The following CLTCL1 variants were observed in gnomAD, a reference collection of about 807,000 sequenced individuals.
The protein encoded by CLTCL1 is clathrin heavy chain like 1.
CLTCL1 carries 159 observed loss-of-function variants against 190.0 expected under a neutral mutation model. That is an observed-to-expected ratio of 0.84 (90% CI 0.74 to 0.95). CLTCL1 has a LOEUF of 0.95. Ranked by LOEUF, CLTCL1 falls within the 40% of genes least tolerant of loss-of-function variation. The pLI, the probability that CLTCL1 is intolerant of heterozygous loss-of-function variation, is 0.00. For synonymous variants in CLTCL1, 752 were observed against 769.6 expected, an observed-to-expected ratio of 0.98 and a Z score of 0.38; for missense variants, 1,878 against 2,033.4, an observed-to-expected ratio of 0.92 and a Z score of 1.47.
chr22:19,206,289 C>T (rs1286447225), intron 22 of CLTCL1, among the ~76,000 whole-genome samples: 1 of 152,104 alleles, frequency 6.6e-6, no homozygotes, highest in Non-Finnish European at 1.5e-5. Flanking sequence ...TGCAGTGCCC[C>T]GATCACAGCT....
At chr22:19,237,258 C>T (rs552038712) in intron 5 of CLTCL1, among the ~76,000 whole-genome samples, 20 of 152,030 alleles carry the variant, frequency 1.3e-4, no homozygotes, top group Admixed American at 1.2e-3. Context: ...GAAGATCGCT[C>T]GAGGCCAGGA....
chr22:19,224,131 C>T (rs529135593), intron 13 of CLTCL1, 77 bp from the exon 14 acceptor site: 50 of 1,479,856 alleles, frequency 3.4e-5, no homozygotes, highest in Admixed American at 7.3e-5. Context: ...CACCTTCCCT[C>T]GATGACCCTG....
In CLTCL1 at chr22:19,224,162, C is replaced by G. The variant is rs1432285834; in HGVS notation, c.2129-108G>C. On this transcript the variant is annotated intron_variant, in intron 13 of 32. Transcript: ENST00000427926. ...CCCTGCTCCACTCTCCAGGGACCCA[C>G]AGCACACTCAGAACTCATAATCAAT... 7 of 1,079,752 alleles carry G rather than the reference C, an allele frequency of 6.5e-6. No individual in the cohort carries two copies. In the African/African-American group the frequency reaches 1.1e-4, roughly 17 times the overall value. The allele number at this position is 1,079,752 out of a possible 1,614,324, so 66.9% of individuals were successfully genotyped here. A position where few individuals can be genotyped will look rare whatever the true frequency, so the allele number is the denominator to read the frequency against.
Position 19,249,782 on chromosome 22 carries a change from A to C in CLTCL1, c.519+4177T>G, listed in dbSNP as rs549370054. 4.3e-4 allele frequency: 99 copies of C among 230,290 alleles called. 1 individual carries two copies. In the South Asian group the frequency reaches 4.7e-3, roughly 11 times the overall value. The allele number at this position is 230,290 out of a possible 1,614,324, so 14.3% of individuals were successfully genotyped here. Reference sequence around the variant, plus strand: ...GTATGGCTAGGTTTTGATAATTTTTATTTGGTTTCCCTTCCCTTTAATCAG... The same window carrying C: ...GTATGGCTAGGTTTTGATAATTTTTCTTTGGTTTCCCTTCCCTTTAATCAG... On this transcript the variant is annotated intron_variant, in intron 3 of 32. Transcript: ENST00000427926.
At chr22:19,211,869 A>ATG (rs1555947005) in intron 19 of CLTCL1, among the ~76,000 whole-genome samples, 1 of 152,100 alleles carries the variant, frequency 6.6e-6, no homozygotes, top group East Asian at 1.9e-4. Flanking sequence ...AATCCAATAA[A>ATG]TGAGTTTAGC....
Position 19,179,867 on chromosome 22 carries a change from C to A in CLTCL1, c.*123G>T. ...ACTCTGCAGGTAGGGTGGGTGGTGA[C>A]AACGCCCACTACACGCGGAAGTTGT... On this transcript the variant is annotated 3_prime_UTR_variant, in exon 33 of 33. Coordinates refer to ENST00000427926, the MANE Select transcript of CLTCL1 (RefSeq NM_007098.4). 1 of 368,846 alleles carries A rather than the reference C, an allele frequency of 2.7e-6. No individual in the cohort carries two copies. The highest frequency in any genetic ancestry group is 5.0e-6 in the Non-Finnish European group (1 of 200,132). The allele number at this position is 368,846 out of a possible 1,614,324, so 22.8% of individuals were successfully genotyped here.
At chr22:19,260,018 G>A (rs553771252) in intron 2 of CLTCL1, among the ~76,000 whole-genome samples, 1 of 152,330 alleles carries the variant, frequency 6.6e-6, no homozygotes, top group South Asian at 2.1e-4. Context: ...TATGGACAAA[G>A]TTGTAGTGGC....
intron 1 of CLTCL1, among the ~76,000 whole-genome samples, chr22:19,286,799 C>A (rs1370594488): frequency 6.6e-6 from 1 of 152,194 alleles, no homozygotes; most frequent in African/African-American, 2.4e-5. Flanking sequence ...CCACTCAGAG[C>A]TTTGGATTTA....
chr22:19,283,278 C>A (rs1223863229), intron 1 of CLTCL1, among the ~76,000 whole-genome samples: 2 of 150,936 alleles, frequency 1.3e-5, no homozygotes, highest in African/African-American at 4.9e-5. Context: ...AAAAAATTTT[C>A]TTTCTTTTTT....
intron 2 of CLTCL1, among the ~76,000 whole-genome samples, chr22:19,268,421 G>T (rs1455042979): frequency 6.6e-6 from 1 of 152,138 alleles, no homozygotes; most frequent in African/African-American, 2.4e-5. Flanking sequence ...ACAAGGTACA[G>T]ACTGGGAGAA....
chr22:19,180,226 T>C lies in CLTCL1; in HGVS notation c.4916A>G (p.His1639Arg), dbSNP rs1555925179. Residue 1639 changes from histidine (H) to arginine (R), a missense_variant, in exon 32 of 33, where the codon CAT becomes CGT. His to Arg is a conservative substitution (Grantham distance 29). Coordinates refer to ENST00000427926, the MANE Select transcript of CLTCL1 (RefSeq NM_007098.4). ...AGTGCAATCAGCTGGGTCTCATTCA[T>C]GCCCATCAAAATCTAAAAAAACCAG... ...PAPLVFDFDG[H>R]E 6.2e-7 allele frequency: 1 copy of C among 1,613,814 alleles called. No homozygotes were observed. The highest frequency in any genetic ancestry group is 1.7e-5 in the Admixed American group (1 of 60,016).
At chr22:19,257,350 CTT>C (rs1231531859) in intron 2 of CLTCL1, among the ~76,000 whole-genome samples, 1 of 152,138 alleles carries the variant, frequency 6.6e-6, no homozygotes, top group African/African-American at 2.4e-5. Flanking sequence ...AAAGAATACT[CTT>C]TTCAACAAAT....
chr22:19,276,032 A>G lies in CLTCL1; in HGVS notation c.43-202T>C, dbSNP rs542777033. Among the ~76,000 whole-genome samples, 216 of 139,628 alleles carry G rather than the reference A, an allele frequency of 1.5e-3. 4 individuals are homozygous for G. Among genetic ancestry groups the G allele is most frequent in the Admixed American group, 0.015 (201 of 13,762 alleles). The allele number at this position is 139,628 out of a possible 152,430, so 91.6% of individuals were successfully genotyped here. ...AATCAACTCTCCTTGAGAGATTACC[A>G]GCCCACAGTGGAGATAAGACATGTG... On this transcript the variant is annotated intron_variant, in intron 1 of 32. Transcript: ENST00000427926.
At chr22:19,240,429 G>A (rs929460398) in intron 4 of CLTCL1, among the ~76,000 whole-genome samples, 12 of 151,994 alleles carry the variant, frequency 7.9e-5, no homozygotes, top group Non-Finnish European at 1.0e-4. Context: ...GGGTTTGGCC[G>A]GGCAGAGAGA....
intron 26 of CLTCL1, among the ~76,000 whole-genome samples, chr22:19,193,923 G>A (rs2084605065): frequency 2.6e-5 from 4 of 152,204 alleles, no homozygotes; most frequent in Admixed American, 1.3e-4. Flanking sequence ...ATTGTGAAAA[G>A]CAAAAGAACA....
At chr22:19,258,347 G>T in intron 2 of CLTCL1, 1 of 420,722 alleles carries the variant, frequency 2.4e-6, no homozygotes, top group South Asian at 2.0e-5. Context: ...AGATTGAGGA[G>T]AGCACCACAG....
chr22:19,214,547 C>T (rs1960085791), intron 19 of CLTCL1, among the ~76,000 whole-genome samples: 1 of 152,016 alleles, frequency 6.6e-6, no homozygotes, highest in Non-Finnish European at 1.5e-5. Flanking sequence ...CGATAAAGTG[C>T]TTAAGTTTAA....
chr22:19,191,830 C>T (rs2084516498), intron 26 of CLTCL1, among the ~76,000 whole-genome samples: 1 of 152,226 alleles, frequency 6.6e-6, no homozygotes, highest in South Asian at 2.1e-4. Flanking sequence ...AGGCCTCAGC[C>T]TGAGCCATAA....
intron 1 of CLTCL1, among the ~76,000 whole-genome samples, chr22:19,290,702 G>C (rs1194540455): frequency 3.3e-5 from 5 of 152,192 alleles, no homozygotes; most frequent in African/African-American, 1.2e-4. Flanking sequence ...GTGAAAATAG[G>C]AACTTTCAAG....
Sources: gnomAD v4.1 joint callset for allele counts (sites outside exome capture counted in the v4.1 genomes callset) on GRCh38, gnomAD v4.1.1 for gene constraint, MANE v1.5 for transcripts, NCBI Gene and HGNC (gene_info 2026-07-23, HGNC 2026-07-21) for gene names.